FOXP2: variants seen among roughly 807,000 people sequenced by gnomAD.
FOXP2 encodes forkhead box P2.
In FOXP2, 12 loss-of-function variants were observed where a neutral mutation model predicts 115.8. That is an observed-to-expected ratio of 0.10 (90% CI 0.07 to 0.17). The LOEUF is 0.17. Ranked by LOEUF, FOXP2 falls within the 10% of genes least tolerant of loss-of-function variation. The pLI, the probability that FOXP2 is intolerant of heterozygous loss-of-function variation, is 1.00. For missense variants in FOXP2, 629 were observed against 843.5 expected, an observed-to-expected ratio of 0.75 and a Z score of 3.15; for synonymous variants, 328 against 297.7, an observed-to-expected ratio of 1.10 and a Z score of -1.05.
intron 7 of FOXP2, among the ~76,000 whole-genome samples, chr7:114,643,837 A>G (rs1472650013): frequency 6.6e-6 from 1 of 152,198 alleles, no homozygotes; most frequent in African/African-American, 2.4e-5. Flanking sequence ...TAGTGGACTG[A>G]TAGTGTTCTG....
chr7:114,689,471 C>T (rs192630753), intron 16 of FOXP2, among the ~76,000 whole-genome samples: 40 of 152,240 alleles, frequency 2.6e-4, no homozygotes, highest in Middle Eastern at 3.4e-3. Context: ...TACTACCACT[C>T]CTTGATTATC....
intron 2 of FOXP2, among the ~76,000 whole-genome samples, chr7:114,501,132 A>G (rs1227633230): frequency 6.6e-6 from 1 of 152,176 alleles, no homozygotes; most frequent in Non-Finnish European, 1.5e-5. Context: ...TTAACCCAAC[A>G]GAACTACAGA....
chr7:114,690,547 A>G lies in FOXP2; in HGVS notation c.*621A>G. 1 of 454,068 alleles carries G rather than the reference A, an allele frequency of 2.2e-6. No homozygotes were observed. The highest frequency in any genetic ancestry group is 4.4e-6 in the Non-Finnish European group (1 of 226,768). 28.1% of individuals were successfully genotyped at this position (454,068 alleles called of 1,614,324 possible). On this transcript the variant is annotated 3_prime_UTR_variant, in exon 17 of 17. Transcript: ENST00000350908. ...AGTTATTACAAAACACAGTAATTAG[A>G]CTGTTGCAACCATCTAAAACCTTAG...
intron 2 of FOXP2, among the ~76,000 whole-genome samples, chr7:114,318,121 A>G (rs1212872774): frequency 6.6e-6 from 1 of 152,088 alleles, no homozygotes; most frequent in African/African-American, 2.4e-5. Context: ...AAAAATTCTA[A>G]TTTTTCTCAT....
intron 1 of FOXP2, among the ~76,000 whole-genome samples, chr7:114,091,070 T>C (rs1799533710): frequency 6.6e-6 from 1 of 151,920 alleles, no homozygotes; most frequent in Admixed American, 6.6e-5. Context: ...AATATTGTTT[T>C]CTTGCAGATA....
At chr7:114,153,713 G>A (rs949261895) in intron 1 of FOXP2, among the ~76,000 whole-genome samples, 13 of 152,054 alleles carry the variant, frequency 8.5e-5, no homozygotes, top group African/African-American at 2.4e-5. Context: ...ATCTCATCAA[G>A]ATTTGTAGGC....
chr7:114,587,777 A>G (rs1453991571), intron 3 of FOXP2, among the ~76,000 whole-genome samples: 1 of 150,222 alleles, frequency 6.7e-6, no homozygotes, highest in African/African-American at 2.4e-5. Flanking sequence ...ATACAGAATT[A>G]TTTCCTAAAC....
intron 1 of FOXP2, among the ~76,000 whole-genome samples, chr7:114,230,385 T>C (rs1584561956): frequency 1.3e-5 from 2 of 151,864 alleles, no homozygotes. Context: ...AGGTCAGCAT[T>C]ACCCAGATAC....
chr7:114,411,472 T>C (rs1385862047), upstream of FOXP2, among the ~76,000 whole-genome samples: 1 of 152,114 alleles, frequency 6.6e-6, no homozygotes, highest in Non-Finnish European at 1.5e-5. Flanking sequence ...ATATGGAGAC[T>C]TGACCATTTT....
At chr7:114,383,943 T>C (rs1792376048) in intron 2 of FOXP2, among the ~76,000 whole-genome samples, 2 of 152,146 alleles carry the variant, frequency 1.3e-5, no homozygotes, top group South Asian at 4.1e-4. Flanking sequence ...TGCTCACCAA[T>C]GTAGCAGTCC....
At chr7:114,473,465 A>G (rs911200898) in intron 2 of FOXP2, among the ~76,000 whole-genome samples, 1 of 152,194 alleles carries the variant, frequency 6.6e-6, no homozygotes, top group Non-Finnish European at 1.5e-5. Flanking sequence ...AATATATTCT[A>G]CAAAACGAGT....
intron 1 of FOXP2, among the ~76,000 whole-genome samples, chr7:114,145,462 T>TTTTCTTTTCTTTTCTTTTCC (rs1792343134): frequency 7.1e-6 from 1 of 140,388 alleles, no homozygotes; most frequent in African/African-American, 2.9e-5. Flanking sequence ...TTTTCTTTTC[T>TTTTCTTTTCTTTTCTTTTCC]TTTCTTTTCT....
chr7:114,136,447 G>A (rs1792041091), intron 1 of FOXP2, among the ~76,000 whole-genome samples: 1 of 152,002 alleles, frequency 6.6e-6, no homozygotes. Flanking sequence ...GTAGTGTGGT[G>A]TAAACTAGAA....
chr7:114,112,383 T>C lies in FOXP2; in HGVS notation c.-247+24545T>C, dbSNP rs562186133. On this transcript the variant is annotated intron_variant, in intron 1 of 19. Transcript: ENST00000635638. ...GTGATCTCAGCTCACTGCAACCTTC[T>C]GCCTCCTAGGTTCAAGCAATTCTCC... 3.3e-5 allele frequency among the ~76,000 whole-genome samples: 5 copies of C among 152,180 alleles called. No homozygotes were observed. In the East Asian group the frequency reaches 9.7e-4, roughly 29 times the overall value.
chr7:114,234,618 T>C (rs1033587419), intron 1 of FOXP2, among the ~76,000 whole-genome samples: 1 of 152,186 alleles, frequency 6.6e-6, no homozygotes, highest in African/African-American at 2.4e-5. Flanking sequence ...TTTAATTTCT[T>C]ACATGAAAGA....
At chr7:114,629,134 G>A (rs933958223) in intron 4 of FOXP2, among the ~76,000 whole-genome samples, 12 of 152,040 alleles carry the variant, frequency 7.9e-5, no homozygotes, top group Non-Finnish European at 1.6e-4. Flanking sequence ...TATACTCATC[G>A]TTTAGAAAGA....
chr7:114,413,613 G>A (rs1018713110), upstream of FOXP2, among the ~76,000 whole-genome samples: 4 of 152,114 alleles, frequency 2.6e-5, no homozygotes, highest in African/African-American at 9.7e-5. Flanking sequence ...TTCAGGGGAG[G>A]TGGAGAAATA....
At position 114,474,151 on chromosome 7, in the gene FOXP2, G is replaced by C. The variant is rs77816776; in HGVS notation, c.168+47472G>C. Among the ~76,000 whole-genome samples, 317 of 152,208 alleles carry C rather than the reference G, an allele frequency of 2.1e-3. 19 individuals are homozygous for C. In the East Asian group the frequency reaches 0.057, roughly 27 times the overall value. On this transcript the variant is annotated intron_variant, in intron 2 of 16. Coordinates refer to ENST00000350908, the MANE Select transcript of FOXP2 (RefSeq NM_014491.4). ...ATATGTGACATGTAATTGTAGCATT[G>C]TTCATTGCATACTGTGCATGTGGTG...
intron 1 of FOXP2, among the ~76,000 whole-genome samples, chr7:114,135,435 A>G (rs991129716): frequency 5.9e-5 from 9 of 152,146 alleles, no homozygotes; most frequent in Non-Finnish European, 1.0e-4. Flanking sequence ...AAGGTGTGGT[A>G]TGGATTTCTT....
Sources: allele counts gnomAD v4.1 joint callset (sites outside exome capture counted in the v4.1 genomes callset), GRCh38; gene constraint gnomAD v4.1.1; transcripts MANE v1.5; gene names NCBI Gene and HGNC (gene_info 2026-07-23, HGNC 2026-07-21).